SLC2A9: variants seen among roughly 807,000 people sequenced by gnomAD.
SLC2A9 encodes solute carrier family 2 member 9.
Under a neutral mutation model 50.6 loss-of-function variants are expected in SLC2A9, and 39 were observed. That is an observed-to-expected ratio of 0.77 (90% CI 0.60 to 1.01). The LOEUF is 1.01. SLC2A9 is among the 50% of genes least tolerant of loss of function. The probability of loss-of-function intolerance (pLI) is 0.00; values close to 1 mark genes in which losing one functional copy is unlikely to be tolerated. For synonymous variants in SLC2A9, 324 were observed against 276.9 expected, an observed-to-expected ratio of 1.17 and a Z score of -1.69; for missense variants, 686 against 677.6, an observed-to-expected ratio of 1.01 and a Z score of -0.14.
At chr4:9,774,253 A>G (rs894190835) in intron 1 of SLC2A9, among the ~76,000 whole-genome samples, 7 of 152,256 alleles carry the variant, frequency 4.6e-5, no homozygotes, top group Non-Finnish European at 1.0e-4. Flanking sequence ...CTCGGCCCCT[A>G]AAGTGCTGGG....
rs1045813653 is a variant in SLC2A9, at chr4:9,866,394, C to G, written c.1291+21173G>C. ...TGAAGTCTGTCCTCTGATGCAAACC[C>G]GCCAAGCGTTTCCCATTGCATTTGA... is the stretch of plus-strand genomic sequence containing the variant. On this transcript the variant is annotated intron_variant, in intron 10 of 11. Transcript: ENST00000264784. 2.0e-5 allele frequency among the ~76,000 whole-genome samples: 3 copies of G among 152,236 alleles called. No homozygotes were observed. In the East Asian group the frequency reaches 5.8e-4, roughly 29 times the overall value.
At chr4:9,802,111 A>G (rs1235400796) in intron 3 of SLC2A9, among the ~76,000 whole-genome samples, 2 of 152,194 alleles carry the variant, frequency 1.3e-5, no homozygotes, top group Non-Finnish European at 2.9e-5. Context: ...GCTTATCAGC[A>G]TGAGACAAGT....
intron 1 of SLC2A9, among the ~76,000 whole-genome samples, chr4:10,032,601 A>T (rs1763971138): frequency 1.3e-5 from 2 of 152,080 alleles, no homozygotes; most frequent in African/African-American, 4.8e-5. Flanking sequence ...CACATAAAAG[A>T]TGATGCTCAT....
At chr4:9,822,099 A>C (rs1458441918), downstream of SLC2A9, among the ~76,000 whole-genome samples, 1 of 152,120 alleles carries the variant, frequency 6.6e-6, no homozygotes, top group Non-Finnish European at 1.5e-5. Flanking sequence ...GCTCTTGGCA[A>C]GTTGTGTCCT....
intron 3 of SLC2A9, among the ~76,000 whole-genome samples, chr4:9,817,503 A>G (rs1577377351): frequency 1.3e-5 from 2 of 152,262 alleles, no homozygotes; most frequent in African/African-American, 4.8e-5. Context: ...GGGTCAACAT[A>G]TGCAATAATA....
rs1253466718 is a variant in SLC2A9 at position 9,908,236 on chromosome 4, G to C, written c.1112C>G (p.Ser371Cys). The C allele has an allele frequency of 1.9e-6, 3 of 1,610,178 alleles. No homozygotes were observed. The highest frequency in any genetic ancestry group is 2.6e-6 in the Non-Finnish European group (3 of 1,176,342). The change falls in exon 8 of 12, where the codon TCT becomes TGT. Residue 371 changes from serine (S) to cysteine (C), a missense_variant and splice_region_variant. Transcript: ENST00000264784. The stretch of plus-strand genomic sequence containing the variant: ...AGGAGTAACCCTCAGTTGACTTACA[G>C]AGAAGACGGCAGCCAAAGTCTCGAT... ...GGIETLAAVF[S>C]GLVIEHLGRR... is the part of the protein sequence containing the mutation.
chr4:9,961,294 G>T (rs1353959325), intron 5 of SLC2A9, among the ~76,000 whole-genome samples: 8 of 152,032 alleles, frequency 5.3e-5, no homozygotes, highest in Non-Finnish European at 1.2e-4. Flanking sequence ...AAAGCTGGAG[G>T]CTGGCTTCAA....
chr4:9,849,895 T>G (rs535651646), intron 10 of SLC2A9, among the ~76,000 whole-genome samples: 1 of 151,928 alleles, frequency 6.6e-6, no homozygotes, highest in Non-Finnish European at 1.5e-5. Flanking sequence ...ATTTTAACAT[T>G]CTTCCTTTTT....
At chr4:9,926,026 C>A (rs776223379) in intron 6 of SLC2A9, among the ~76,000 whole-genome samples, 74 of 152,246 alleles carry the variant, frequency 4.9e-4, no homozygotes, top group Non-Finnish European at 7.8e-4. Context: ...ATGGAGCCCG[C>A]CAGCCTCCCT....
chr4:9,975,450 C>A (rs1754629152), intron 5 of SLC2A9, among the ~76,000 whole-genome samples: 3 of 152,104 alleles, frequency 2.0e-5, no homozygotes, highest in Non-Finnish European at 4.4e-5. Context: ...AGGACATGAA[C>A]AGACACTTCT....
At chr4:9,784,182 TTC>T (rs1718905756) in intron 3 of SLC2A9, among the ~76,000 whole-genome samples, 1 of 152,194 alleles carries the variant, frequency 6.6e-6, no homozygotes, top group South Asian at 2.1e-4. Context: ...CTTGAGGAGC[TTC>T]TGTTTTCTCA....
intron 2 of SLC2A9, among the ~76,000 whole-genome samples, chr4:10,000,603 A>G (rs1759610965): frequency 6.6e-6 from 1 of 152,196 alleles, no homozygotes; most frequent in South Asian, 2.1e-4. Context: ...TCCTAGTAGC[A>G]GTTTTGGCTA....
intron 10 of SLC2A9, among the ~76,000 whole-genome samples, chr4:9,871,097 T>C (rs1487275782): frequency 2.0e-5 from 3 of 152,138 alleles, no homozygotes; most frequent in Non-Finnish European, 2.9e-5. Flanking sequence ...GATAATATTA[T>C]TAATTTTAAA....
At chr4:10,024,127 G>A (rs1395362850), upstream of SLC2A9, among the ~76,000 whole-genome samples, 3 of 151,984 alleles carry the variant, frequency 2.0e-5, no homozygotes, top group Non-Finnish European at 4.4e-5. Context: ...TAACTCTCTC[G>A]CCACCTCCTC....
At chr4:9,908,367 G>A (rs1461606896) in intron 7 of SLC2A9, 22 bp from the exon 8 acceptor site, 2 of 1,515,096 alleles carry the variant, frequency 1.3e-6, no homozygotes, top group East Asian at 2.2e-5. Context: ...GAAAGAATGA[G>A]CAGAGAGAAT....
chr4:10,039,137 C>T (rs1309261781), intron 1 of SLC2A9, among the ~76,000 whole-genome samples: 3 of 152,222 alleles, frequency 2.0e-5, no homozygotes, highest in African/African-American at 4.8e-5. Context: ...AATGAATCTC[C>T]GACTTCATGC....
intron 6 of SLC2A9, among the ~76,000 whole-genome samples, chr4:9,940,328 C>T (rs190624936): frequency 1.6e-4 from 25 of 152,302 alleles, no homozygotes; most frequent in Admixed American, 4.6e-4. Flanking sequence ...GGAAGTCACC[C>T]GGTACAATAG....
intron 1 of SLC2A9, chr4:10,035,522 T>C (rs1192220132): frequency 1.3e-5 from 2 of 152,202 alleles, no homozygotes; most frequent in African/African-American, 4.8e-5. Context: ...CCCCACCTCA[T>C]GGGCTGGCTG....
intron 10 of SLC2A9, among the ~76,000 whole-genome samples, chr4:9,843,520 T>G (rs1728435670): frequency 6.6e-6 from 1 of 152,078 alleles, no homozygotes; most frequent in African/African-American, 2.4e-5. Flanking sequence ...GGGGGTCTGA[T>G]ACTATAGTTT....
Sources: allele counts gnomAD v4.1 joint callset (sites outside exome capture counted in the v4.1 genomes callset), GRCh38; gene constraint gnomAD v4.1.1; transcripts MANE v1.5; gene names NCBI Gene and HGNC (gene_info 2026-07-23, HGNC 2026-07-21).